Variants in TBC1D4 observed in about 807,000 individuals in gnomAD.
TBC1D4 encodes the protein TBC1 domain family member 4.
TBC1D4 carries 121 observed loss-of-function variants against 142.5 expected under a neutral mutation model. That is an observed-to-expected ratio of 0.85 (90% CI 0.73 to 0.99). TBC1D4 has a LOEUF of 0.99. Among genes scored for constraint, TBC1D4 ranks in the 50% least tolerant of loss-of-function variants. The probability of loss-of-function intolerance (pLI) is 0.00; values close to 1 mark genes in which losing one functional copy is unlikely to be tolerated. For missense variants in TBC1D4, 1,475 were observed against 1,606.6 expected (o/e 0.92, Z 1.40); for synonymous variants, 630 against 628.2 (o/e 1.00, Z -0.04).
At chr13:75,405,864 G>C (rs746143031) in intron 1 of TBC1D4, among the ~76,000 whole-genome samples, 2 of 152,112 alleles carry the variant, frequency 1.3e-5, no homozygotes, top group Admixed American at 6.5e-5. Flanking sequence ...CTTCTAGCAT[G>C]GTGAACCAAG....
intron 1 of TBC1D4, among the ~76,000 whole-genome samples, chr13:75,416,654 T>G (rs186620423): frequency 1.8e-3 from 276 of 152,352 alleles, no homozygotes; most frequent in Middle Eastern, 6.8e-3. Flanking sequence ...CTACATCTTA[T>G]GCCAGCCCTG....
At chr13:75,445,936 T>C (rs1260482370) in intron 1 of TBC1D4, among the ~76,000 whole-genome samples, 2 of 152,232 alleles carry the variant, frequency 1.3e-5, no homozygotes, top group African/African-American at 4.8e-5. Flanking sequence ...GCTGGTTTTA[T>C]TTGATTTATG....
At chr13:75,293,196 G>C (rs955952588) in intron 18 of TBC1D4, among the ~76,000 whole-genome samples, 1 of 152,138 alleles carries the variant, frequency 6.6e-6, no homozygotes, top group Non-Finnish European at 1.5e-5. Context: ...CAAGTACTTA[G>C]TACTTTTTTA....
At chr13:75,298,965 C>G (rs1222901262) in intron 17 of TBC1D4, among the ~76,000 whole-genome samples, 2 of 152,164 alleles carry the variant, frequency 1.3e-5, no homozygotes, top group Non-Finnish European at 2.9e-5. Context: ...AACAAAAGAT[C>G]TGTGAGCCTT....
At chr13:75,374,086 C>A (rs1883368386) in intron 1 of TBC1D4, among the ~76,000 whole-genome samples, 1 of 152,182 alleles carries the variant, frequency 6.6e-6, no homozygotes, top group Non-Finnish European at 1.5e-5. Context: ...CAATACACCT[C>A]TATTTTTGAA....
chr13:75,369,571 A>G (rs1209681680), intron 1 of TBC1D4, among the ~76,000 whole-genome samples: 1 of 152,164 alleles, frequency 6.6e-6, no homozygotes, highest in East Asian at 1.9e-4. Context: ...AGCTTCACAT[A>G]TTAGAAAGGT....
intron 1 of TBC1D4, among the ~76,000 whole-genome samples, chr13:75,437,442 G>A (rs1377737585): frequency 6.6e-6 from 1 of 152,168 alleles, no homozygotes; most frequent in Non-Finnish European, 1.5e-5. Flanking sequence ...AGTCAAGGGA[G>A]TAAGAGTTTT....
intron 1 of TBC1D4, among the ~76,000 whole-genome samples, chr13:75,404,114 G>A (rs1341367407): frequency 6.9e-5 from 10 of 145,642 alleles, no homozygotes; most frequent in East Asian, 3.9e-4. Flanking sequence ...CAATAGTTAC[G>A]TGAATCAAAG....
chr13:75,300,500 T>A (rs1231732849), intron 16 of TBC1D4, among the ~76,000 whole-genome samples: 2 of 151,240 alleles, frequency 1.3e-5, no homozygotes, highest in African/African-American at 4.9e-5. Flanking sequence ...CTCCCACATA[T>A]GCTTAAAAGT....
intron 1 of TBC1D4, among the ~76,000 whole-genome samples, chr13:75,478,251 A>G (rs1888698625): frequency 6.6e-6 from 1 of 152,196 alleles, no homozygotes; most frequent in South Asian, 2.1e-4. Context: ...CATGGTGACC[A>G]TATATCTCGG....
chr13:75,373,738 T>C (rs975338015), intron 1 of TBC1D4, among the ~76,000 whole-genome samples: 1 of 152,326 alleles, frequency 6.6e-6, no homozygotes, highest in Non-Finnish European at 1.5e-5. Flanking sequence ...TCCTTCTTCC[T>C]GTCTGGGACT....
intron 5 of TBC1D4, among the ~76,000 whole-genome samples, chr13:75,346,483 T>C (rs971737864): frequency 3.3e-5 from 5 of 150,770 alleles, no homozygotes; most frequent in African/African-American, 7.5e-5. Context: ...AAACTCATCC[T>C]TTTTTATGGC....
At chr13:75,325,474 T>C (rs1261909555) in intron 10 of TBC1D4, among the ~76,000 whole-genome samples, 2 of 151,874 alleles carry the variant, frequency 1.3e-5, no homozygotes, top group Admixed American at 6.6e-5. Context: ...AACAAATTCA[T>C]AGGTAAAGAA....
At chr13:75,337,796 G>T (rs966132235) in intron 7 of TBC1D4, among the ~76,000 whole-genome samples, 1 of 152,198 alleles carries the variant, frequency 6.6e-6, no homozygotes, top group Non-Finnish European at 1.5e-5. Context: ...GGGAAGAAAG[G>T]GATGAAGACT....
chr13:75,460,164 A>AT (rs1176822796), intron 1 of TBC1D4, among the ~76,000 whole-genome samples: 1 of 150,410 alleles, frequency 6.6e-6, no homozygotes, highest in Non-Finnish European at 1.5e-5. Context: ...TAAAAAAAAA[A>AT]AATAATAATA....
intron 1 of TBC1D4, among the ~76,000 whole-genome samples, chr13:75,479,232 A>G (rs915290482): frequency 7.2e-5 from 11 of 152,204 alleles, no homozygotes; most frequent in African/African-American, 1.4e-4. Flanking sequence ...CTTCAAATTA[A>G]TAACCCTCTG....
chr13:75,370,756 G>T (rs1883180328), intron 1 of TBC1D4, among the ~76,000 whole-genome samples: 2 of 152,286 alleles, frequency 1.3e-5, no homozygotes, highest in Non-Finnish European at 2.9e-5. Context: ...GTAGGCAGTT[G>T]ATTATATGAG....
At chr13:75,413,113 GGAAGATCACA>G (rs1885748125) in intron 1 of TBC1D4, among the ~76,000 whole-genome samples, 1 of 152,110 alleles carries the variant, frequency 6.6e-6, no homozygotes, top group African/African-American at 2.4e-5. Flanking sequence ...ATAAAGGGGA[GGAAGATCACA>G]GAAGGTCAAA....
In TBC1D4 at chr13:75,341,228, T is replaced by A. The variant is rs1323372629; in HGVS notation, c.1508A>T (p.Lys503Met). 1 of 1,613,584 alleles carries A rather than the reference T, an allele frequency of 6.2e-7. No homozygotes were observed. The highest frequency in any genetic ancestry group is 8.5e-7 in the Non-Finnish European group (1 of 1,179,850). ...ATTTTCTTCCTGGTCACTGACTGGC[T>A]TCATTTTCTGTTCAACAGACAAACC... The part of the protein sequence containing the change: ...ADIFERVQKM[K>M]PVSDQEENEL... Residue 503 changes from lysine to methionine, a missense_variant, in exon 7 of 21, where the codon AAG (lysine) becomes ATG (methionine). Transcript: ENST00000377636.
Sources: gnomAD v4.1 joint callset for allele counts (sites outside exome capture counted in the v4.1 genomes callset) on GRCh38, gnomAD v4.1.1 for gene constraint, MANE v1.5 for transcripts, NCBI Gene and HGNC (gene_info 2026-07-23, HGNC 2026-07-21) for gene names.